The following SHANK2 variants were observed in gnomAD, a reference collection of about 807,000 sequenced individuals.
SHANK2 encodes the protein SH3 and multiple ankyrin repeat domains 2, also known as SH3 and multiple ankyrin repeat domains protein 2.
A neutral mutation model predicts 133.7 loss-of-function variants in SHANK2; 43 were observed. The ratio of observed to expected loss-of-function variants is 0.32; its 90% CI spans 0.25 to 0.41. The LOEUF is 0.41. SHANK2 is among the 10% of genes least tolerant of loss of function. SHANK2 has a pLI of 1.00. For missense variants in SHANK2, 1,994 were observed against 2,235.8 expected (o/e 0.89, Z 2.18); for synonymous variants, 1,017 against 952.8 (o/e 1.07, Z -1.24).
At chr11:70,874,317 AATCT>A (rs781882194) in intron 11 of SHANK2, among the ~76,000 whole-genome samples, 17 of 152,232 alleles carry the variant, frequency 1.1e-4, no homozygotes, top group East Asian at 1.9e-4. Flanking sequence ...ATTTATATGT[AATCT>A]ATCTATCTAT....
upstream of SHANK2, among the ~76,000 whole-genome samples, chr11:71,253,231 T>A (rs1297390372): frequency 6.6e-6 from 1 of 152,162 alleles, no homozygotes; most frequent in Non-Finnish European, 1.5e-5. Context: ...GGAATCCTGT[T>A]ATTATCCAGG....
At chr11:70,589,887 C>G (rs1200996162) in intron 17 of SHANK2, among the ~76,000 whole-genome samples, 1 of 152,194 alleles carries the variant, frequency 6.6e-6, no homozygotes, top group South Asian at 2.1e-4. Flanking sequence ...GGCACGGTGG[C>G]TCACGCCTGT....
At chr11:70,674,865 G>T (rs782218113) in intron 15 of SHANK2, among the ~76,000 whole-genome samples, 9 of 152,242 alleles carry the variant, frequency 5.9e-5, no homozygotes, top group Non-Finnish European at 1.0e-4. Context: ...GGCCAGATTT[G>T]GCCTGTGGGC....
chr11:70,851,406 A>G (rs1354767833), intron 11 of SHANK2, among the ~76,000 whole-genome samples: 2 of 152,222 alleles, frequency 1.3e-5, no homozygotes, highest in African/African-American at 4.8e-5. Context: ...GATCCTGACC[A>G]CTGGGACATA....
chr11:70,584,791 C>T (rs1474745112), intron 17 of SHANK2, among the ~76,000 whole-genome samples: 3 of 152,182 alleles, frequency 2.0e-5, no homozygotes, highest in Admixed American at 1.3e-4. Context: ...CCGTTGGTCT[C>T]GCCATACCTG....
chr11:70,583,017 G>A (rs2060203561), intron 17 of SHANK2, among the ~76,000 whole-genome samples: 1 of 152,112 alleles, frequency 6.6e-6, no homozygotes, highest in Non-Finnish European at 1.5e-5. Context: ...CCCTGTGGCT[G>A]GGGGTGCAGC....
rs184464743 is a variant in SHANK2 at position 70,575,179 on chromosome 11, C to T, written c.2062-72248G>A. ...TGGGGTCCAGGCCAAGCCACCCAGG[C>T]GGGCAGCAGAGGAATGGTCACCCAA... is the stretch of plus-strand genomic sequence containing the variant. On this transcript the variant is annotated intron_variant, in intron 17 of 25. Transcript: ENST00000601538. Among the ~76,000 whole-genome samples, 40 of 152,240 alleles carry T rather than the reference C, an allele frequency of 2.6e-4. No homozygotes were observed. The East Asian group carries it at 3.9e-3, about 15-fold the overall frequency.
In SHANK2 at chr11:70,926,566, A is replaced by G. The variant is rs188114978; in HGVS notation, c.1108-29999T>C. 1.3e-4 allele frequency among the ~76,000 whole-genome samples: 20 copies of G among 152,328 alleles called. No homozygotes were observed. In the Middle Eastern group the frequency reaches 0.01, roughly 78 times the overall value. Reference sequence around the variant, plus strand: ...CTCGCACTTGGGAACCCCAGACAGCACTGCAGCACTACGATAGGGGCCATT... The same window carrying G: ...CTCGCACTTGGGAACCCCAGACAGCGCTGCAGCACTACGATAGGGGCCATT... On this transcript the variant is annotated intron_variant, in intron 10 of 25. Coordinates refer to ENST00000601538, the MANE Select transcript of SHANK2 (RefSeq NM_012309.5).
chr11:70,849,278 T>A (rs1182667831), intron 11 of SHANK2, among the ~76,000 whole-genome samples: 1 of 152,154 alleles, frequency 6.6e-6, no homozygotes, highest in Admixed American at 6.5e-5. Context: ...AGACCCCATC[T>A]CAATATATTA....
chr11:70,479,240 C>T lies in SHANK2; in HGVS notation c.4980-5801G>A, dbSNP rs1555150863. Among the ~76,000 whole-genome samples, 6 of 152,218 alleles carry T rather than the reference C, an allele frequency of 3.9e-5. No homozygotes were observed. The highest frequency in any genetic ancestry group is 1.4e-4 in the African/African-American group (6 of 41,458). ...AGTGGTCCTGAGATGCTGAAAACACCGTGAGGCAGCTTCTAGTACCAAGTC... is the reference window on the plus strand; with the variant it reads ...AGTGGTCCTGAGATGCTGAAAACACTGTGAGGCAGCTTCTAGTACCAAGTC... On this transcript the variant is annotated intron_variant, in intron 25 of 25. Coordinates refer to ENST00000601538, the MANE Select transcript of SHANK2 (RefSeq NM_012309.5). The surrounding 1 kb of genome is among the most constrained non-coding windows in gnomAD (Gnocchi z 4.4).
intron 12 of SHANK2, among the ~76,000 whole-genome samples, chr11:70,811,559 C>T (rs887631965): frequency 2.4e-4 from 37 of 152,068 alleles, no homozygotes; most frequent in African/African-American, 7.5e-4. Context: ...TATCCATCAT[C>T]GATCCATCCA....
chr11:70,499,561 T>C (rs1199201937), intron 21 of SHANK2, among the ~76,000 whole-genome samples: 1 of 152,120 alleles, frequency 6.6e-6, no homozygotes, highest in Non-Finnish European at 1.5e-5. Flanking sequence ...CTCAGTTAGG[T>C]GATGAATAGA....
At chr11:70,622,072 T>C (rs1422092172) in intron 17 of SHANK2, among the ~76,000 whole-genome samples, 2 of 152,132 alleles carry the variant, frequency 1.3e-5, no homozygotes, top group Non-Finnish European at 2.9e-5. Flanking sequence ...CCCAGGCACA[T>C]TGGGGCAAAG....
chr11:71,219,377 C>T (rs1448924990), intron 2 of SHANK2, among the ~76,000 whole-genome samples: 1 of 152,104 alleles, frequency 6.6e-6, no homozygotes, highest in Non-Finnish European at 1.5e-5. Context: ...CACATCTGAC[C>T]AGGGATTAGC....
At chr11:70,704,787 G>A (rs1202900394) in intron 14 of SHANK2, among the ~76,000 whole-genome samples, 2 of 152,332 alleles carry the variant, frequency 1.3e-5, no homozygotes, top group African/African-American at 4.8e-5. Flanking sequence ...CCTGGATTGT[G>A]GCTTGTGGTG....
chr11:71,113,380 A>C lies in SHANK2; in HGVS notation c.412-16T>G, dbSNP rs1555099799. The C allele has an allele frequency of 6.4e-7, 1 of 1,550,896 alleles. No homozygotes were observed. Among genetic ancestry groups the C allele is most frequent in the Non-Finnish European group, 8.7e-7 (1 of 1,146,244 alleles). On this transcript the variant is annotated splice_polypyrimidine_tract_variant and intron_variant, in intron 4 of 25. Transcript: ENST00000601538. ...TGTATCGAAACTGGCACAGAAAACA[A>C]AAAAGAGAGAGAAAACAAGTCAATA...
intron 17 of SHANK2, among the ~76,000 whole-genome samples, chr11:70,519,759 G>A (rs1433967746): frequency 2.1e-4 from 32 of 152,044 alleles, no homozygotes; most frequent in African/African-American, 7.2e-4. Context: ...TTATTGAAAC[G>A]GGGTCTTATT....
At chr11:70,745,867 C>A (rs1262276452) in intron 14 of SHANK2, among the ~76,000 whole-genome samples, 1 of 152,274 alleles carries the variant, frequency 6.6e-6, no homozygotes, top group Admixed American at 6.5e-5. Context: ...TGATCCGCCA[C>A]ACCTGAGACC....
At position 70,805,746 on chromosome 11, in the gene SHANK2, CAG is replaced by C. The variant is rs200627207; in HGVS notation, c.1663+1254_1663+1255del. Among the ~76,000 whole-genome samples, 1,209 of 152,216 alleles carry C rather than the reference CAG, an allele frequency of 7.9e-3. 19 individuals are homozygous for C. Among genetic ancestry groups the C allele is most frequent in the African/African-American group, 0.028 (1,174 of 41,542 alleles). On this transcript the variant is annotated intron_variant, in intron 13 of 25. Transcript: ENST00000601538. ...GGCAAATAAAAGGCAACAATAAAAA[CAG>C]ATAAACAGAAAAGCTAGCAAACATG...
Sources: gnomAD v4.1 joint callset for allele counts (sites outside exome capture counted in the v4.1 genomes callset) on GRCh38, gnomAD v4.1.1 for gene constraint, Gnocchi (gnomAD v3.1) non-coding constraint, MANE v1.5 for transcripts, NCBI Gene and HGNC (gene_info 2026-07-23, HGNC 2026-07-21) for gene names.